Variants in CADM2 observed in about 807,000 individuals in gnomAD.
The protein encoded by CADM2 is immunoglobulin superfamily member 4D.
In CADM2, 12 loss-of-function variants were observed where a neutral mutation model predicts 49.8. The observed-to-expected ratio is 0.24, with a 90% confidence interval of 0.15 to 0.39. CADM2 has a LOEUF of 0.39. Among genes scored for constraint, CADM2 ranks in the 10% least tolerant of loss-of-function variants. The pLI, the probability that CADM2 is intolerant of heterozygous loss-of-function variation, is 1.00. For synonymous variants in CADM2, 214 were observed against 175.4 expected (o/e 1.22, Z -1.74); for missense variants, 378 against 492.3 (o/e 0.77, Z 2.20).
At chr3:85,031,303 G>A (rs2034967021) in intron 1 of CADM2, among the ~76,000 whole-genome samples, 1 of 152,190 alleles carries the variant, frequency 6.6e-6, no homozygotes, top group Non-Finnish European at 1.5e-5. Flanking sequence ...GCCTTGCAGG[G>A]CATAGCGCAG....
intron 2 of CADM2, among the ~76,000 whole-genome samples, chr3:85,761,655 G>A (rs753038863): frequency 1.3e-5 from 2 of 152,018 alleles, no homozygotes; most frequent in South Asian, 2.1e-4. Flanking sequence ...GATTACAGGC[G>A]TGAGCCACCA....
chr3:85,735,692 G>T (rs890858310), intron 2 of CADM2, among the ~76,000 whole-genome samples: 5 of 152,076 alleles, frequency 3.3e-5, no homozygotes, highest in South Asian at 2.1e-4. Flanking sequence ...AGTAGAATTT[G>T]CTGGCTGGAA....
chr3:85,082,946 A>T (rs1158981077), intron 1 of CADM2, among the ~76,000 whole-genome samples: 2 of 152,162 alleles, frequency 1.3e-5, no homozygotes, highest in Admixed American at 1.3e-4. Flanking sequence ...AACAATGTTG[A>T]GGCAAAAAAT....
At chr3:85,983,574 G>C (rs1042964736) in intron 8 of CADM2, among the ~76,000 whole-genome samples, 2 of 151,496 alleles carry the variant, frequency 1.3e-5, no homozygotes, top group Non-Finnish European at 3.0e-5. Flanking sequence ...TTTTCAGTTC[G>C]TTTTAGTAAA....
chr3:85,800,418 G>A (rs1372688267), intron 2 of CADM2: 2 of 153,596 alleles, frequency 1.3e-5, no homozygotes, highest in Non-Finnish European at 1.4e-5. Flanking sequence ...GGAGTTCCAG[G>A]CACTACTGGG....
At chr3:85,703,735 G>A (rs2066853486) in intron 1 of CADM2, among the ~76,000 whole-genome samples, 1 of 152,162 alleles carries the variant, frequency 6.6e-6, no homozygotes. Context: ...TGGTTGAAAA[G>A]GAAAATTGAG....
At chr3:85,060,742 G>A (rs1430863037) in intron 1 of CADM2, among the ~76,000 whole-genome samples, 1 of 152,002 alleles carries the variant, frequency 6.6e-6, no homozygotes, top group Non-Finnish European at 1.5e-5. Flanking sequence ...TATGGGTCTG[G>A]TGTGGTGGCT....
intron 8 of CADM2, among the ~76,000 whole-genome samples, chr3:86,010,222 G>C (rs915800541): frequency 6.6e-6 from 1 of 151,890 alleles, no homozygotes; most frequent in African/African-American, 2.4e-5. Flanking sequence ...ATATTCATCT[G>C]AGTAAACTGA....
At chr3:85,829,966 G>T (rs1316180184) in intron 3 of CADM2, among the ~76,000 whole-genome samples, 1 of 151,876 alleles carries the variant, frequency 6.6e-6, no homozygotes, top group Non-Finnish European at 1.5e-5. Context: ...GAATAATTCT[G>T]CAATGAACAT....
chr3:85,930,337 G>A (rs553988044), intron 6 of CADM2, among the ~76,000 whole-genome samples: 1 of 152,132 alleles, frequency 6.6e-6, no homozygotes, highest in South Asian at 2.1e-4. Context: ...CATAATTGGT[G>A]TATATATTTA....
At chr3:85,434,287 G>A (rs899897794) in intron 1 of CADM2, among the ~76,000 whole-genome samples, 18 of 151,610 alleles carry the variant, frequency 1.2e-4, no homozygotes, top group Non-Finnish European at 2.7e-4. Context: ...TCTTAATTTG[G>A]TGATATTTTA....
intron 2 of CADM2, among the ~76,000 whole-genome samples, chr3:85,788,187 T>C (rs2071108930): frequency 6.6e-6 from 1 of 152,154 alleles, no homozygotes; most frequent in Admixed American, 6.6e-5. Context: ...ATACATTTGT[T>C]GAATAAACTA....
chr3:85,761,602 C>T lies in CADM2; in HGVS notation c.88+35054C>T, dbSNP rs561087219. On this transcript the variant is annotated intron_variant, in intron 2 of 9. Coordinates refer to ENST00000383699, the MANE Select transcript of CADM2 (RefSeq NM_001167675.2). ...ATGTTGGCCAGGATGGTCTCAATCT[C>T]TTGACCTCGTGATCCACCCACCTCA... Among the ~76,000 whole-genome samples, 22 of 152,082 alleles carry T rather than the reference C, an allele frequency of 1.4e-4. No homozygotes were observed. The South Asian group carries it at 3.5e-3, about 24-fold the overall frequency.
At chr3:86,048,118 A>T (rs1736884179) in intron 8 of CADM2, among the ~76,000 whole-genome samples, 2 of 152,042 alleles carry the variant, frequency 1.3e-5, no homozygotes, top group African/African-American at 4.8e-5. Flanking sequence ...TCTTTGGAGG[A>T]TGGGTGTAAT....
intron 1 of CADM2, chr3:84,960,484 T>TTA (rs2107030723): frequency 7.0e-6 from 1 of 143,400 alleles, no homozygotes; most frequent in African/African-American, 2.6e-5. Flanking sequence ...GTGTCGTTTC[T>TTA]TTTTTTTTTT....
chr3:85,467,803 C>T (rs914074534), intron 1 of CADM2, among the ~76,000 whole-genome samples: 7 of 152,102 alleles, frequency 4.6e-5, no homozygotes, highest in Non-Finnish European at 1.0e-4. Context: ...CAAAGGCCAA[C>T]CCTGATGTAG....
intron 2 of CADM2, among the ~76,000 whole-genome samples, chr3:85,796,652 A>G (rs945853111): frequency 6.6e-6 from 1 of 152,158 alleles, no homozygotes; most frequent in Non-Finnish European, 1.5e-5. Context: ...TTAGGTGTGG[A>G]AAGAAATTTT....
At chr3:85,911,408 C>A (rs1717570334) in intron 5 of CADM2, among the ~76,000 whole-genome samples, 2 of 152,110 alleles carry the variant, frequency 1.3e-5, no homozygotes, top group Non-Finnish European at 2.9e-5. Flanking sequence ...GTTTAAATAT[C>A]GATAAATGAA....
chr3:85,256,733 C>G (rs1019688243), intron 1 of CADM2, among the ~76,000 whole-genome samples: 1 of 152,072 alleles, frequency 6.6e-6, no homozygotes, highest in Non-Finnish European at 1.5e-5. Flanking sequence ...AGCTCAACTG[C>G]ATGTTTAGCG....
Sources: gnomAD v4.1 joint callset for allele counts (sites outside exome capture counted in the v4.1 genomes callset) on GRCh38, gnomAD v4.1.1 for gene constraint, MANE v1.5 for transcripts, NCBI Gene and HGNC (gene_info 2026-07-23, HGNC 2026-07-21) for gene names.